Variants in SUPV3L1 observed in about 807,000 individuals in gnomAD.
SUPV3L1 encodes Suv3 like RNA helicase.
A neutral mutation model predicts 70.0 loss-of-function variants in SUPV3L1; 35 were observed. The observed-to-expected ratio is 0.50, with a 90% confidence interval of 0.38 to 0.66. The LOEUF (loss-of-function observed/expected upper bound fraction) is 0.66, where lower values mean the gene tolerates loss of function less well. SUPV3L1 is among the 30% of genes least tolerant of loss of function. The probability of loss-of-function intolerance (pLI) is 0.00; values close to 1 mark genes in which losing one functional copy is unlikely to be tolerated. For synonymous variants in SUPV3L1, 364 were observed against 341.9 expected (o/e 1.06, Z -0.71); for missense variants, 777 against 961.5 (o/e 0.81, Z 2.54).
At chr10:69,204,420 T>C (rs1002619001) in intron 13 of SUPV3L1, among the ~76,000 whole-genome samples, 2 of 152,166 alleles carry the variant, frequency 1.3e-5, no homozygotes, top group East Asian at 3.9e-4. Flanking sequence ...TCTAAACTTA[T>C]TTTTTAAATA....
intron 1 of SUPV3L1, among the ~76,000 whole-genome samples, chr10:69,183,017 A>G (rs1247680033): frequency 6.6e-6 from 1 of 152,004 alleles, no homozygotes; most frequent in Non-Finnish European, 1.5e-5. Flanking sequence ...CCCTGGACCT[A>G]TATATCTCGC....
chr10:69,181,637 G>A (rs1452122267), intron 1 of SUPV3L1, among the ~76,000 whole-genome samples: 2 of 152,212 alleles, frequency 1.3e-5, no homozygotes, highest in African/African-American at 2.4e-5. Flanking sequence ...GTTCTGAGCC[G>A]GGATCTGATG....
intron 7 of SUPV3L1, among the ~76,000 whole-genome samples, chr10:69,196,431 C>G (rs1162662003): frequency 6.6e-6 from 1 of 151,614 alleles, no homozygotes; most frequent in African/African-American, 2.4e-5. Context: ...GGAGATATTG[C>G]AGTGAACCAC....
At chr10:69,196,635 C>A (rs1016643807) in intron 7 of SUPV3L1, among the ~76,000 whole-genome samples, 23 of 152,098 alleles carry the variant, frequency 1.5e-4, no homozygotes, top group African/African-American at 5.1e-4. Context: ...CAACCCCCAA[C>A]CTCTGAGGTA....
chr10:69,206,021 G>A (rs1292004231), intron 13 of SUPV3L1, among the ~76,000 whole-genome samples: 1 of 152,016 alleles, frequency 6.6e-6, no homozygotes, highest in African/African-American at 2.4e-5. Context: ...TGGATGGATG[G>A]ATGGATGGAT....
chr10:69,197,234 T>G (rs915611285), intron 8 of SUPV3L1, 151 bp downstream of exon 8: 19 of 634,968 alleles, frequency 3.0e-5, no homozygotes, highest in Non-Finnish European at 5.3e-5. Flanking sequence ...CCATATATAT[T>G]TGATTGAACC....
chr10:69,189,131 C>T (rs1046711499), intron 4 of SUPV3L1, 136 bp from the exon 5 acceptor site: 2 of 877,088 alleles, frequency 2.3e-6, no homozygotes, highest in Middle Eastern at 2.3e-4. Flanking sequence ...ATATGAAACC[C>T]ATTGTTTAGT....
intron 1 of SUPV3L1, among the ~76,000 whole-genome samples, chr10:69,185,029 C>G (rs1452309867): frequency 1.3e-5 from 2 of 152,194 alleles, no homozygotes; most frequent in African/African-American, 4.8e-5. Flanking sequence ...ATTATTGATT[C>G]ATAGTGGCAT....
At chr10:69,195,821 C>T (rs1842527592) in intron 7 of SUPV3L1, among the ~76,000 whole-genome samples, 1 of 152,094 alleles carries the variant, frequency 6.6e-6, no homozygotes, top group Admixed American at 6.6e-5. Flanking sequence ...TGGCTCACTG[C>T]AGCCTTGACC....
At chr10:69,187,497 C>T (rs903606438) in intron 3 of SUPV3L1, 145 bp from the exon 4 acceptor site, 40 of 549,736 alleles carry the variant, frequency 7.3e-5, no homozygotes, top group Non-Finnish European at 1.1e-4. Context: ...GGATTGTTGA[C>T]GTGAGCTACT....
chr10:69,181,973 G>A (rs10998626), intron 1 of SUPV3L1, among the ~76,000 whole-genome samples: 33,798 of 149,888 alleles, frequency 0.23, 4,067 homozygotes, highest in African/African-American at 0.26. Flanking sequence ...ACTCTTTTAA[G>A]CTTTTTTTTA....
At chr10:69,189,214 C>T in intron 4 of SUPV3L1, 53 bp from the exon 5 acceptor site, 2 of 1,531,282 alleles carry the variant, frequency 1.3e-6, no homozygotes, top group Non-Finnish European at 1.8e-6. Flanking sequence ...CTGTCTTTGC[C>T]AGGATGGATT....
At chr10:69,186,172 C>A (rs1842222987) in intron 2 of SUPV3L1, 108 bp downstream of exon 2, 5 of 994,166 alleles carry the variant, frequency 5.0e-6, no homozygotes, top group Admixed American at 2.3e-5. Context: ...TCTGGAGACA[C>A]GTCCCTGCTC....
chr10:69,206,223 C>T (rs936510567), intron 13 of SUPV3L1, among the ~76,000 whole-genome samples: 1 of 152,184 alleles, frequency 6.6e-6, no homozygotes, highest in Non-Finnish European at 1.5e-5. Context: ...CCCTTTATGG[C>T]TATCCTACTT....
Position 69,186,386 on chromosome 10 carries a change from G to T in SUPV3L1, c.350-57G>T, listed in dbSNP as rs1300250860. ...TTGATGAGTTTGGTGTGGTGTGTCT[G>T]TGTGCTTTTTAAAATGAGAACTACA... is the stretch of plus-strand genomic sequence containing the variant. On this transcript the variant is annotated intron_variant, in intron 2 of 14. Coordinates refer to ENST00000359655, the MANE Select transcript of SUPV3L1 (RefSeq NM_003171.5). 3.3e-6 allele frequency: 4 copies of T among 1,225,146 alleles called. No individual in the cohort carries two copies. In the South Asian group the frequency reaches 3.7e-5, roughly 11 times the overall value. The allele number at this position is 1,225,146 out of a possible 1,614,324, so 75.9% of individuals were successfully genotyped here.
At chr10:69,185,039 T>C (rs924138570) in intron 1 of SUPV3L1, among the ~76,000 whole-genome samples, 1 of 152,236 alleles carries the variant, frequency 6.6e-6, no homozygotes, top group African/African-American at 2.4e-5. Context: ...CATAGTGGCA[T>C]GTTATCTCCC....
intron 13 of SUPV3L1, among the ~76,000 whole-genome samples, chr10:69,204,777 C>CTTT (rs71035076): frequency 2.8e-5 from 4 of 144,798 alleles, no homozygotes; most frequent in Non-Finnish European, 4.6e-5. Flanking sequence ...AAAAAATTAT[C>CTTT]TTTTTTTTTT....
intron 1 of SUPV3L1, among the ~76,000 whole-genome samples, chr10:69,181,717 G>A (rs1043328424): frequency 2.0e-5 from 3 of 152,088 alleles, no homozygotes; most frequent in Non-Finnish European, 4.4e-5. Context: ...CAGAGAAAGG[G>A]GGCTGAACTT....
chr10:69,192,360 G>C (rs1329740906), intron 6 of SUPV3L1: 1 of 152,110 alleles, frequency 6.6e-6, no homozygotes, highest in Non-Finnish European at 1.5e-5. Context: ...GTTCTAACTG[G>C]TAACAGATAT....
Sources: gnomAD v4.1 joint callset for allele counts (sites outside exome capture counted in the v4.1 genomes callset) on GRCh38, gnomAD v4.1.1 for gene constraint, MANE v1.5 for transcripts, NCBI Gene and HGNC (gene_info 2026-07-23, HGNC 2026-07-21) for gene names.